Variants in PER3 observed in about 807,000 individuals in gnomAD.
PER3 encodes the protein period circadian regulator 3, also known as period circadian protein homolog 3.
In PER3, 107 loss-of-function variants were observed where a neutral mutation model predicts 127.2. That is an observed-to-expected ratio of 0.84 (90% CI 0.72 to 0.99). The LOEUF is 0.99. Ranked by LOEUF, PER3 falls within the 50% of genes least tolerant of loss-of-function variation. The pLI is 0.00. For synonymous variants in PER3, 618 were observed against 585.8 expected (o/e 1.05, Z -0.79); for missense variants, 1,560 against 1,525.8 (o/e 1.02, Z -0.37).
intron 10 of PER3, among the ~76,000 whole-genome samples, chr1:7,806,336 G>C (rs2097192470): frequency 6.6e-6 from 1 of 152,114 alleles, no homozygotes; most frequent in South Asian, 2.1e-4. Context: ...ATCACTTCGG[G>C]AGGAGTGAAA....
At chr1:7,799,694 A>G (rs1001411834) in intron 7 of PER3, among the ~76,000 whole-genome samples, 4 of 151,880 alleles carry the variant, frequency 2.6e-5, no homozygotes, top group African/African-American at 9.7e-5. Flanking sequence ...AATATGGCTC[A>G]TACCACAGGA....
Position 7,843,556 on chromosome 1 carries a change from T to C in PER3, c.*801T>C, listed in dbSNP as rs1462206815. ...TTTAAAATAATGATTGTAAAATGTT[T>C]TACAAGTAATGTAAAAGCTAGTATC... On this transcript the variant is annotated 3_prime_UTR_variant, in exon 22 of 22. Coordinates refer to ENST00000377532, the MANE Select transcript of PER3 (RefSeq NM_001377275.1). 6.6e-6 allele frequency: 1 copy of C among 152,516 alleles called. No individual in the cohort carries two copies. The highest frequency in any genetic ancestry group is 1.5e-5 in the Non-Finnish European group (1 of 68,148). The allele number at this position is 152,516 out of a possible 1,614,324, so 9.4% of individuals were successfully genotyped here. A position where few individuals can be genotyped will look rare whatever the true frequency, so the allele number is the denominator to read the frequency against.
At position 7,842,794 on chromosome 1, in the gene PER3, G is replaced by T. The variant is rs774256972; in HGVS notation, c.*39G>T. The stretch of plus-strand genomic sequence containing the variant: ...TGAACCTTCATACCCTTTCCAAGAC[G>T]TGTTACACAGACAGACCTTTTTAAG... On this transcript the variant is annotated 3_prime_UTR_variant, in exon 22 of 22. Coordinates refer to ENST00000377532, the MANE Select transcript of PER3 (RefSeq NM_001377275.1). The T allele has an allele frequency of 1.9e-6, 3 of 1,580,990 alleles. No individual in the cohort carries two copies. Among genetic ancestry groups the T allele is most frequent in the Non-Finnish European group, 2.6e-6 (3 of 1,154,502 alleles).
intron 13 of PER3, among the ~76,000 whole-genome samples, chr1:7,812,625 A>AAAAAT (rs2097224862): frequency 4.1e-5 from 1 of 24,520 alleles, no homozygotes; most frequent in Non-Finnish European, 1.2e-4. Context: ...ACTCCGTCTC[A>AAAAAT]AAAAAAAAAA....
At chr1:7,799,676 C>G (rs1304427497) in intron 7 of PER3, among the ~76,000 whole-genome samples, 1 of 150,542 alleles carries the variant, frequency 6.6e-6, no homozygotes, top group African/African-American at 2.4e-5. Context: ...TCTACAAACA[C>G]TACAATAAAT....
At chr1:7,784,421 TTCTG>T (rs1270387666) in intron 1 of PER3, 45 bp downstream of exon 1, 1 of 151,208 alleles carries the variant, frequency 6.6e-6, no homozygotes, top group African/African-American at 2.4e-5. Context: ...CGGGCGGGAG[TTCTG>T]GGCACTCGCG....
At chr1:7,836,593 T>C (rs1248573549) in intron 20 of PER3, among the ~76,000 whole-genome samples, 1 of 152,200 alleles carries the variant, frequency 6.6e-6, no homozygotes, top group Non-Finnish European at 1.5e-5. Flanking sequence ...GAATGATTTC[T>C]TAAAATAAGG....
chr1:7,803,955 C>CACCGAAA, intron 10 of PER3, 107 bp downstream of exon 10: 3 of 908,904 alleles, frequency 3.3e-6, no homozygotes, highest in Non-Finnish European at 5.1e-6. Flanking sequence ...CTAAATAAAG[C>CACCGAAA]ACAGATTTGT....
At chr1:7,796,040 AT>A (rs2097143801) in intron 6 of PER3, among the ~76,000 whole-genome samples, 1 of 152,146 alleles carries the variant, frequency 6.6e-6, no homozygotes, top group Non-Finnish European at 1.5e-5. Flanking sequence ...GCCAGTAGGA[AT>A]CCCTTTGGGT....
chr1:7,842,194 C>T (rs1170356864), intron 21 of PER3, among the ~76,000 whole-genome samples: 8 of 152,122 alleles, frequency 5.3e-5, no homozygotes, highest in Non-Finnish European at 2.9e-5. Flanking sequence ...AACAATTTGT[C>T]ATTTGCCTTT....
intron 6 of PER3, among the ~76,000 whole-genome samples, chr1:7,796,180 TC>T (rs1161625544): frequency 6.6e-6 from 1 of 152,168 alleles, no homozygotes; most frequent in East Asian, 1.9e-4. Context: ...TCTCTAAGGA[TC>T]CCTGGTTCCT....
intron 10 of PER3, among the ~76,000 whole-genome samples, chr1:7,806,812 A>AAATATATATATATATATAT (rs61141023): frequency 1.6e-5 from 1 of 60,628 alleles, no homozygotes; most frequent in African/African-American, 6.8e-5. Flanking sequence ...AAAAAAAAAA[A>AAATATATATATATATATAT]ATATATATAT....
chr1:7,786,084 G>A (rs1319633821), intron 3 of PER3, among the ~76,000 whole-genome samples: 5 of 152,200 alleles, frequency 3.3e-5, no homozygotes, highest in South Asian at 4.1e-4. Context: ...GTGAAACCCC[G>A]TCTCTACTAA....
chr1:7,835,899 C>T lies in PER3; in HGVS notation c.3352C>T (p.Arg1118Trp), dbSNP rs535774011. ...CGAAGAGCCCATCTGGAGAATGATA[C>T]GGCAGACACCTGAGCGCATTCTCAT... ...VAEEPIWRMI[R>W]QTPERILMTY... Residue 1118 changes from arginine (R) to tryptophan (W), a missense_variant, in exon 20 of 22, where the codon CGG (arginine) becomes TGG (tryptophan). Around this residue, in one of 3 missense-constraint regions of PER3, gnomAD observed 199 missense variants for 198.6 expected, o/e 1.00. Transcript: ENST00000377532. 9.3e-6 allele frequency: 15 copies of T among 1,610,876 alleles called. No homozygotes were observed. Among genetic ancestry groups the T allele is most frequent in the Admixed American group, 3.3e-5 (2 of 60,018 alleles).
intron 19 of PER3, 94 bp downstream of exon 19, chr1:7,830,255 A>G (rs1156583745): frequency 1.7e-5 from 19 of 1,126,512 alleles, no homozygotes; most frequent in Non-Finnish European, 1.9e-5. Context: ...CTGATGTGGA[A>G]GTACAAGGTT....
intron 16 of PER3, among the ~76,000 whole-genome samples, chr1:7,821,146 T>C (rs934514893): frequency 1.3e-5 from 2 of 152,254 alleles, no homozygotes; most frequent in African/African-American, 4.8e-5. Context: ...TTCTACTGTC[T>C]TCTTATTCCT....
At chr1:7,836,787 C>T in intron 20 of PER3, 2 of 425,492 alleles carry the variant, frequency 4.7e-6, no homozygotes, top group Non-Finnish European at 8.3e-6. Flanking sequence ...TTCCATACAC[C>T]TCATTAAAAC....
Position 7,810,607 on chromosome 1 carries a change from C to G in PER3, c.1522+19C>G. 1 of 1,596,436 alleles carries G rather than the reference C, an allele frequency of 6.3e-7. No individual in the cohort carries two copies. The highest frequency in any genetic ancestry group is 1.3e-5 in the African/African-American group (1 of 74,430). ...GGTGGTGGTGAGTCAGCCGGCAGCC[C>G]CAAGGATCTCCTTCCATGGGCTGTC... is the stretch of plus-strand genomic sequence containing the variant. On this transcript the variant is annotated intron_variant, in intron 13 of 21. Coordinates refer to ENST00000377532, the MANE Select transcript of PER3 (RefSeq NM_001377275.1).
chr1:7,827,528 C>T lies in PER3; in HGVS notation c.2599C>T (p.Pro867Ser). 1 of 1,614,210 alleles carries T rather than the reference C, an allele frequency of 6.2e-7. No individual in the cohort carries two copies. The highest frequency in any genetic ancestry group is 8.5e-7 in the Non-Finnish European group (1 of 1,180,038). Residue 867 changes from proline to serine, a missense_variant, in exon 18 of 22, where the codon CCT becomes TCT. Physicochemically the swap from Pro to Ser is moderately conservative, Grantham distance 74. Coordinates refer to ENST00000377532, the MANE Select transcript of PER3 (RefSeq NM_001377275.1). ...TTTCCTGCCTGACCCCCCTGTCTGTCCTCTGTTGTCGCCATCGTTTTTGCC... is the reference window on the plus strand; with the variant it reads ...TTTCCTGCCTGACCCCCCTGTCTGTTCTCTGTTGTCGCCATCGTTTTTGCC... ...TVFLPDPPVC[P>S]LLSPSFLPCP...
Sources: gnomAD v4.1 joint callset for allele counts (sites outside exome capture counted in the v4.1 genomes callset) on GRCh38, gnomAD v4.1.1 for gene constraint, gnomAD v4.1.1 regional missense constraint, MANE v1.5 for transcripts, NCBI Gene and HGNC (gene_info 2026-07-23, HGNC 2026-07-21) for gene names.